Variants in MEGF10 observed in about 807,000 individuals in gnomAD.
MEGF10 encodes multiple EGF like domains 10.
In MEGF10, 86 loss-of-function variants were observed where a neutral mutation model predicts 147.5. The observed-to-expected ratio is 0.58, with a 90% CI of 0.49 to 0.70. MEGF10 has a LOEUF of 0.70. Ranked by LOEUF, MEGF10 falls within the 30% of genes least tolerant of loss-of-function variation. MEGF10 has a pLI of 0.00. For synonymous variants in MEGF10, 478 were observed against 525.5 expected (o/e 0.91, Z 1.24); for missense variants, 1,329 against 1,487.3 (o/e 0.89, Z 1.75).
chr5:127,375,289 C>G (rs138868677), intron 5 of MEGF10, among the ~76,000 whole-genome samples: 1 of 152,064 alleles, frequency 6.6e-6, no homozygotes, highest in African/African-American at 2.4e-5. Context: ...AGTCCAATTT[C>G]AAAAGGCTTC....
At chr5:127,438,956 A>G (rs1765654799) in intron 17 of MEGF10, among the ~76,000 whole-genome samples, 1 of 152,212 alleles carries the variant, frequency 6.6e-6, no homozygotes, top group Non-Finnish European at 1.5e-5. Context: ...GCGCTCTTGG[A>G]AAAGGTGGAG....
chr5:127,331,255 A>G (rs2126783789), intron 1 of MEGF10, 36 bp from the exon 2 acceptor site: 1 of 1,085,990 alleles, frequency 9.2e-7, no homozygotes. Flanking sequence ...GAGTCATTTC[A>G]ATGCATTTCT....
intron 4 of MEGF10, among the ~76,000 whole-genome samples, chr5:127,341,194 C>G (rs1010287163): frequency 6.6e-6 from 1 of 152,160 alleles, no homozygotes; most frequent in Non-Finnish European, 1.5e-5. Context: ...AGAGAAGTTT[C>G]GTATCTTATG....
chr5:127,407,874 C>T (rs1032650709), intron 8 of MEGF10, among the ~76,000 whole-genome samples: 2 of 152,140 alleles, frequency 1.3e-5, no homozygotes, highest in Admixed American at 6.5e-5. Context: ...GATATCCTAC[C>T]ATTTTCCTTT....
At chr5:127,374,631 G>T (rs1335642772) in intron 5 of MEGF10, among the ~76,000 whole-genome samples, 2 of 151,762 alleles carry the variant, frequency 1.3e-5, no homozygotes, top group Non-Finnish European at 2.9e-5. Flanking sequence ...ATTCATTGCT[G>T]GTTATATTAA....
At chr5:127,280,275 G>A in the MEGF10 span, among the ~76,000 whole-genome samples, 2 of 152,120 alleles carry the variant, frequency 1.3e-5, no homozygotes, top group Admixed American at 1.3e-4. Flanking sequence ...GTAATTCTGC[G>A]TGATGATTCA....
At chr5:127,263,307 C>A in the MEGF10 span, among the ~76,000 whole-genome samples, 1 of 144,344 alleles carries the variant, frequency 6.9e-6, no homozygotes. Context: ...GAGGGATTCT[C>A]GGGGGGGGGG....
chr5:127,247,330 A>G, the MEGF10 span, among the ~76,000 whole-genome samples: 5 of 2,632 alleles, frequency 1.9e-3, 1 homozygote, highest in Non-Finnish European at 3.5e-3. Context: ...GAAGAAGAAG[A>G]AGAAGAAGAA....
chr5:127,340,476 CT>C (rs1761636824), intron 3 of MEGF10, 53 bp from the exon 4 acceptor site: 1 of 1,385,088 alleles, frequency 7.2e-7, no homozygotes, highest in Non-Finnish European at 1.0e-6. Context: ...GTTTGAAATA[CT>C]TTGCTTTTCA....
At chr5:127,290,337 T>C (rs1178489001), upstream of MEGF10, among the ~76,000 whole-genome samples, 7 of 152,060 alleles carry the variant, frequency 4.6e-5, no homozygotes, top group Non-Finnish European at 4.4e-5. Context: ...CCTTTGCGCT[T>C]TCTCCCCTGA....
chr5:127,269,272 A>T, the MEGF10 span, among the ~76,000 whole-genome samples: 5,123 of 152,348 alleles, frequency 0.034, 222 homozygotes, highest in African/African-American at 0.11. Context: ...AGAAGGCTTC[A>T]GACGATCAAA....
At chr5:127,267,237 T>A in the MEGF10 span, among the ~76,000 whole-genome samples, 2 of 152,222 alleles carry the variant, frequency 1.3e-5, no homozygotes, top group Admixed American at 6.5e-5. Flanking sequence ...TTGATTTGTG[T>A]ATGTTGAACC....
At chr5:127,325,602 A>G (rs1561571956) in intron 1 of MEGF10, among the ~76,000 whole-genome samples, 1 of 151,962 alleles carries the variant, frequency 6.6e-6, no homozygotes, top group Non-Finnish European at 1.5e-5. Context: ...CATCATGCTG[A>G]TTGAATAGGT....
chr5:127,345,585 A>G (rs1761854699), intron 4 of MEGF10, among the ~76,000 whole-genome samples: 1 of 152,042 alleles, frequency 6.6e-6, no homozygotes, highest in Non-Finnish European at 1.5e-5. Context: ...TGGTGGTTTT[A>G]CTCTGTTTAT....
Position 127,445,550 on chromosome 5 carries a change from T to C in MEGF10, c.2585T>C (p.Ile862Thr). The change falls in exon 20 of 25, where the codon ATC becomes ACC. Residue 862 changes from isoleucine to threonine, a missense_variant. By Grantham distance (89) the Ile-to-Thr change is moderately conservative. This residue lies in a region of MEGF10 where 343 missense variants were observed against 377.9 expected (regional missense o/e 0.91). Transcript: ENST00000503335. Reference sequence around the variant, plus strand: ...TACCAGATCGGGGCCATTGCAGGCATCATCATTCTTGTCCTAGTTGTTCTC... The same window carrying C: ...TACCAGATCGGGGCCATTGCAGGCACCATCATTCTTGTCCTAGTTGTTCTC... ...DSYQIGAIAG[I>T]IILVLVVLFL... 1.2e-6 allele frequency: 2 copies of C among 1,614,076 alleles called. No individual in the cohort carries two copies. The highest frequency in any genetic ancestry group is 1.7e-6 in the Non-Finnish European group (2 of 1,179,988).
At chr5:127,393,810 G>GTTTTTTTTTTTT (rs11414651) in intron 5 of MEGF10, among the ~76,000 whole-genome samples, 4 of 147,606 alleles carry the variant, frequency 2.7e-5, no homozygotes, top group Non-Finnish European at 4.5e-5. Context: ...TATCTTCAAA[G>GTTTTTTTTTTTT]TTTTTTTTTT....
rs1192439798 is a variant in MEGF10 at position 127,438,489 on chromosome 5, C to T, written c.2155C>T (p.His719Tyr). Residue 719 changes from histidine to tyrosine, a missense_variant, in exon 17 of 25, where the codon CAT becomes TAT. His to Tyr is a moderately conservative substitution (Grantham distance 83). Coordinates refer to ENST00000503335, the MANE Select transcript of MEGF10 (RefSeq NM_001256545.2). ...AAACTGCATCCACACGTGCAACTGC[C>T]ATAATGGAGCTTTCTGCAGCGCCTA... ...GPNCIHTCNC[H>Y]NGAFCSAYDG... 5.6e-6 allele frequency: 9 copies of T among 1,614,008 alleles called. No individual in the cohort carries two copies. Among genetic ancestry groups the T allele is most frequent in the Non-Finnish European group, 7.6e-6 (9 of 1,180,014 alleles).
Position 127,457,296 on chromosome 5 carries a change from A to G in MEGF10, c.3401A>G (p.Asn1134Ser). The change falls in exon 25 of 25, where the codon AAC becomes AGC. Residue 1134 changes from asparagine (N) to serine (S), a missense_variant. Around this residue, in one of 3 missense-constraint regions of MEGF10, gnomAD observed 343 missense variants for 377.9 expected, o/e 0.91. Coordinates refer to ENST00000503335, the MANE Select transcript of MEGF10 (RefSeq NM_001256545.2). ...GAGGACAGTGGTGGTAGCAGCAGCA[A>G]CAGCAGCAGCAGCAGTGAATGACAC... ...KQEDSGGSSS[N>S]SSSSSE 1 of 1,571,292 alleles carries G rather than the reference A, an allele frequency of 6.4e-7. No individual in the cohort carries two copies. The highest frequency in any genetic ancestry group is 8.7e-7 in the Non-Finnish European group (1 of 1,148,742).
chr5:127,365,842 T>TA (rs1162298340), intron 4 of MEGF10, among the ~76,000 whole-genome samples: 5 of 152,180 alleles, frequency 3.3e-5, no homozygotes, highest in African/African-American at 4.8e-5. Context: ...ATTGCCCTTT[T>TA]AAAAAAAGAA....
Sources: allele counts gnomAD v4.1 joint callset (sites outside exome capture counted in the v4.1 genomes callset), GRCh38; gene constraint gnomAD v4.1.1; regional missense constraint gnomAD v4.1.1; transcripts MANE v1.5; gene names NCBI Gene and HGNC (gene_info 2026-07-23, HGNC 2026-07-21).